SCLY: variants seen among roughly 807,000 people sequenced by gnomAD.
SCLY encodes putative selenocysteine lyase.
SCLY carries 38 observed loss-of-function variants against 50.1 expected under a neutral mutation model. The ratio of observed to expected loss-of-function variants is 0.76; its 90% CI spans 0.59 to 0.99. SCLY has a LOEUF of 0.99. SCLY is among the 50% of genes least tolerant of loss of function. SCLY has a pLI of 0.00. For missense variants in SCLY, 600 were observed against 620.0 expected (o/e 0.97, Z 0.34); for synonymous variants, 243 against 249.4 (o/e 0.97, Z 0.24).
rs113025052 is a variant in SCLY at position 238,090,417 on chromosome 2, G to A, written c.885-801G>A. 1.4e-4 allele frequency among the ~76,000 whole-genome samples: 21 copies of A among 152,248 alleles called. No individual in the cohort carries two copies. The East Asian group carries it at 3.1e-3, about 22-fold the overall frequency. On this transcript the variant is annotated intron_variant, in intron 7 of 11. Coordinates refer to ENST00000254663, the MANE Select transcript of SCLY (RefSeq NM_016510.7). ...TGTGATCCCAGCACTTTGGGAGGCCGAGGTGGCTGGATCACGAGGTCAGGA... is the reference window on the plus strand; with the variant it reads ...TGTGATCCCAGCACTTTGGGAGGCCAAGGTGGCTGGATCACGAGGTCAGGA...
intron 8 of SCLY, chr2:238,091,555 CCA>C: frequency 2.9e-6 from 1 of 347,438 alleles, no homozygotes; most frequent in Non-Finnish European, 5.4e-6. Context: ...TTCACCATTC[CCA>C]AAGGCGTCGG....
chr2:238,098,319 G>A lies in SCLY; in HGVS notation c.1302G>A (p.Leu434=), dbSNP rs1574720670. 1.2e-6 allele frequency: 2 copies of A among 1,605,776 alleles called. No individual in the cohort carries two copies. Among genetic ancestry groups the A allele is most frequent in the African/African-American group, 1.3e-5 (1 of 74,868 alleles). ...RAEVDLVVQD[L]KQAVAQLEDQ... is the part of the protein sequence containing the mutation. ...AGGTGGACCTCGTCGTGCAGGACCTGAAGCAGGCCGTGGCGCAGCTGGAGG... is the reference window on the plus strand; with the variant it reads ...AGGTGGACCTCGTCGTGCAGGACCTAAAGCAGGCCGTGGCGCAGCTGGAGG... The change falls in exon 12 of 12, where the codon CTG becomes CTA. Residue 434 remains leucine (L), a synonymous_variant. Coordinates refer to ENST00000254663, the MANE Select transcript of SCLY (RefSeq NM_016510.7).
At chr2:238,064,663 A>G (rs2065052053) in intron 2 of SCLY, 194 bp downstream of exon 2, 1 of 435,944 alleles carries the variant, frequency 2.3e-6, no homozygotes, top group East Asian at 4.2e-5. Flanking sequence ...CGATACTGTA[A>G]TCTTTAACCT....
chr2:238,091,549 C>CTAG, intron 8 of SCLY: 28 of 339,014 alleles, frequency 8.3e-5, no homozygotes, highest in South Asian at 2.4e-4. Context: ...TGCAGGTTCA[C>CTAG]CATTCCCAAA....
In SCLY at chr2:238,068,000, C is replaced by A; in HGVS notation, c.203-65C>A. ...TCTTATTCCTTTGTATTTGGTTGTC[C>A]TTTTAGATGCGTTGATTGAGCTTGG... On this transcript the variant is annotated intron_variant, in intron 2 of 11. Coordinates refer to ENST00000254663, the MANE Select transcript of SCLY (RefSeq NM_016510.7). This position sits in a 1 kb window ranked among gnomAD's most constrained non-coding sequence, Gnocchi z 4.3. 8.1e-7 allele frequency: 1 copy of A among 1,228,074 alleles called. No homozygotes were observed. Among genetic ancestry groups the A allele is most frequent in the Non-Finnish European group, 1.2e-6 (1 of 848,742 alleles). 76.1% of individuals were successfully genotyped at this position (1,228,074 alleles called of 1,614,324 possible).
Position 238,099,411 on chromosome 2 carries a change from C to T in SCLY, c.*1056C>T. The T allele has an allele frequency of 2.2e-6, 1 of 450,360 alleles. No homozygotes were observed. The highest frequency in any genetic ancestry group is 4.6e-6 in the Non-Finnish European group (1 of 217,464). The allele number at this position is 450,360 out of a possible 1,614,324, so 27.9% of individuals were successfully genotyped here. On this transcript the variant is annotated 3_prime_UTR_variant, in exon 12 of 12. Coordinates refer to ENST00000254663, the MANE Select transcript of SCLY (RefSeq NM_016510.7). Reference sequence around the variant, plus strand: ...TTAACGAATAAAAGATTTCAGTGCCCGACTTGGGGATCCTGTGGTTTCTCT... The same window carrying T: ...TTAACGAATAAAAGATTTCAGTGCCTGACTTGGGGATCCTGTGGTTTCTCT...
intron 1 of SCLY, chr2:238,061,455 G>A: frequency 2.1e-6 from 1 of 477,904 alleles, no homozygotes; most frequent in South Asian, 1.9e-5. Flanking sequence ...AAGGGCAGGG[G>A]ACTTGCCGGA....
chr2:238,082,933 T>TAAACCTG, intron 6 of SCLY: 1 of 344,754 alleles, frequency 2.9e-6, no homozygotes, highest in Non-Finnish European at 6.0e-6. Flanking sequence ...TTTTTTTTTT[T>TAAACCTG]TAAACCTGTG....
At chr2:238,062,388 C>T (rs1202039260) in intron 1 of SCLY, among the ~76,000 whole-genome samples, 1 of 148,852 alleles carries the variant, frequency 6.7e-6, no homozygotes, top group Non-Finnish European at 1.5e-5. Flanking sequence ...CTTGTCAAAG[C>T]CTTGTACCTA....
intron 11 of SCLY, among the ~76,000 whole-genome samples, chr2:238,097,367 G>A (rs566809605): frequency 2.8e-4 from 34 of 120,254 alleles, no homozygotes; most frequent in African/African-American, 1.0e-3. Flanking sequence ...GGTAGAGGGC[G>A]TGGGGTGCCC....
At chr2:238,068,629 C>G (rs948032864) in intron 3 of SCLY, among the ~76,000 whole-genome samples, 1 of 152,108 alleles carries the variant, frequency 6.6e-6, no homozygotes, top group Non-Finnish European at 1.5e-5. Context: ...TAAGTAAATT[C>G]CAGGTAGCCG....
rs767965636 is a variant in SCLY, at chr2:238,081,710, G to A, written c.486G>A (p.Ala162=). The A allele has an allele frequency of 6.6e-5, 107 of 1,613,062 alleles. No individual in the cohort carries two copies. The highest frequency in any genetic ancestry group is 1.1e-4 in the East Asian group (5 of 44,854). Residue 162 remains alanine, a splice_region_variant and synonymous_variant, in exon 5 of 12, where the codon GCG becomes GCA. Coordinates refer to ENST00000254663, the MANE Select transcript of SCLY (RefSeq NM_016510.7). Reference sequence around the variant, plus strand: ...TCGGTACTCATGTTTGTTTCCCAGCGGTCACCTTTGTCCCGGTGTCCAAGG... The same window carrying A: ...TCGGTACTCATGTTTGTTTCCCAGCAGTCACCTTTGTCCCGGTGTCCAAGG... ...LEHLVEEQVA[A]VTFVPVSKVS... is the part of the protein sequence containing the mutation.
intron 7 of SCLY, among the ~76,000 whole-genome samples, chr2:238,085,973 C>T (rs1397208763): frequency 6.6e-6 from 1 of 152,146 alleles, no homozygotes; most frequent in East Asian, 1.9e-4. Flanking sequence ...TATGATTAGA[C>T]TTCTAAAAAT....
At chr2:238,085,492 G>A (rs901208148) in intron 7 of SCLY, among the ~76,000 whole-genome samples, 1 of 151,608 alleles carries the variant, frequency 6.6e-6, no homozygotes, top group Non-Finnish European at 1.5e-5. Flanking sequence ...GCCGAGGTGA[G>A]CGGATCACAA....
chr2:238,096,695 G>A, intron 10 of SCLY, 106 bp from the exon 11 acceptor site: 1 of 1,212,608 alleles, frequency 8.2e-7, no homozygotes, highest in South Asian at 1.3e-5. Context: ...TCCACCAGGT[G>A]GCACAGAGGG....
In SCLY at chr2:238,069,551, A is replaced by G; in HGVS notation, c.484+74A>G. The G allele has an allele frequency of 7.5e-7, 1 of 1,336,494 alleles. No homozygotes were observed. The highest frequency in any genetic ancestry group is 1.0e-6 in the Non-Finnish European group (1 of 981,278). 82.8% of individuals were successfully genotyped at this position (1,336,494 alleles called of 1,614,324 possible). A position where few individuals can be genotyped will look rare whatever the true frequency, so the allele number is the denominator to read the frequency against. Reference sequence around the variant, plus strand: ...GCGAGGCGGGAAGTGGCCTGCGAGCAGAGCCCGGGATCCGCTGCAGAGATG... The same window carrying G: ...GCGAGGCGGGAAGTGGCCTGCGAGCGGAGCCCGGGATCCGCTGCAGAGATG... On this transcript the variant is annotated intron_variant, in intron 4 of 11. Coordinates refer to ENST00000254663, the MANE Select transcript of SCLY (RefSeq NM_016510.7). This position sits in a 1 kb window ranked among gnomAD's most constrained non-coding sequence, Gnocchi z 5.0.
intron 4 of SCLY, among the ~76,000 whole-genome samples, chr2:238,072,660 C>A (rs2264166): frequency 0.85 from 128,612 of 152,200 alleles, 54,447 homozygotes; most frequent in East Asian, 0.97. Flanking sequence ...TCATGTACTC[C>A]TTGGCCATTT....
chr2:238,089,182 C>G (rs1039628993), intron 7 of SCLY, among the ~76,000 whole-genome samples: 14 of 152,050 alleles, frequency 9.2e-5, no homozygotes, highest in Non-Finnish European at 1.8e-4. Context: ...AACAAAATTA[C>G]TCAGATATAA....
intron 8 of SCLY, chr2:238,091,896 G>A (rs1189008027): frequency 6.5e-6 from 1 of 153,484 alleles, no homozygotes; most frequent in Non-Finnish European, 1.5e-5. Context: ...GTGTTCAGAT[G>A]TATGCCCCAC....
Sources: allele counts gnomAD v4.1 joint callset (sites outside exome capture counted in the v4.1 genomes callset), GRCh38; gene constraint gnomAD v4.1.1; non-coding constraint Gnocchi (gnomAD v3.1); transcripts MANE v1.5; gene names NCBI Gene and HGNC (gene_info 2026-07-23, HGNC 2026-07-21).